The following CAST variants were observed in gnomAD, a reference collection of about 807,000 sequenced individuals.
CAST encodes the protein MIR583 host.
A neutral mutation model predicts 119.6 loss-of-function variants in CAST; 76 were observed. The ratio of observed to expected loss-of-function variants is 0.64; its 90% confidence interval spans 0.53 to 0.77. CAST has a LOEUF of 0.77. CAST is among the 30% of genes least tolerant of loss of function. The probability of loss-of-function intolerance (pLI) is 0.00; values close to 1 mark genes in which losing one functional copy is unlikely to be tolerated. For missense variants in CAST, 953 were observed against 946.5 expected (o/e 1.01, Z -0.09); for synonymous variants, 319 against 331.6 (o/e 0.96, Z 0.41).
the CAST span, among the ~76,000 whole-genome samples, chr5:96,423,721 T>C: frequency 1.3e-5 from 2 of 152,206 alleles, no homozygotes; most frequent in African/African-American, 4.8e-5. Context: ...TTGAACTACA[T>C]GGCTTTGAAG....
chr5:96,346,781 C>T, the CAST span, among the ~76,000 whole-genome samples: 1 of 152,032 alleles, frequency 6.6e-6, no homozygotes, highest in South Asian at 2.1e-4. Flanking sequence ...TCTGTGACCC[C>T]CATCTGTCAT....
At chr5:96,247,650 G>A in the CAST span, 7 of 152,264 alleles carry the variant, frequency 4.6e-5, no homozygotes, top group Non-Finnish European at 1.0e-4. Flanking sequence ...ACAGCAGGAA[G>A]AGACTTGAAT....
At chr5:95,975,184 C>CCAT in the CAST span, among the ~76,000 whole-genome samples, 3 of 152,182 alleles carry the variant, frequency 2.0e-5, no homozygotes, top group Admixed American at 2.0e-4. Context: ...TTTTCTAATG[C>CCAT]TAAGAAGTGC....
At chr5:96,470,365 C>G in the CAST span, among the ~76,000 whole-genome samples, 1 of 151,934 alleles carries the variant, frequency 6.6e-6, no homozygotes, top group Non-Finnish European at 1.5e-5. Context: ...TATGGATCAT[C>G]ATGCACTATA....
At chr5:96,137,147 G>T in the CAST span, among the ~76,000 whole-genome samples, 1 of 152,268 alleles carries the variant, frequency 6.6e-6, no homozygotes, top group African/African-American at 2.4e-5. Flanking sequence ...ACAGAGGATA[G>T]TTTCAATGAT....
At chr5:96,523,398 T>C (rs1465868881), upstream of CAST, among the ~76,000 whole-genome samples, 3 of 152,232 alleles carry the variant, frequency 2.0e-5, no homozygotes, top group Admixed American at 6.5e-5. Context: ...CATATTGTTA[T>C]TTGAAACCAA....
rs571901445 is a variant in CAST at position 96,694,071 on chromosome 5, A to C, written c.139-1765A>C. Among the ~76,000 whole-genome samples the C allele has an allele frequency of 6.6e-5, 10 of 152,320 alleles. No homozygotes were observed. In the East Asian group the frequency reaches 1.5e-3, roughly 24 times the overall value. On this transcript the variant is annotated intron_variant, in intron 2 of 31. Coordinates refer to ENST00000675179, the MANE Select transcript of CAST (RefSeq NM_001750.7). ...GCATGCTAAGGCAAAATTTACCCTGAAGGGAAAGAAGACTTCAGTTCAAAC... is the reference window on the plus strand; with the variant it reads ...GCATGCTAAGGCAAAATTTACCCTGCAGGGAAAGAAGACTTCAGTTCAAAC...
At chr5:96,702,677 C>T in intron 3 of CAST, 1 of 642,954 alleles carries the variant, frequency 1.6e-6, no homozygotes, top group Non-Finnish European at 1.9e-6. Flanking sequence ...AGATGCCAGG[C>T]GCATGACGAG....
intron 1 of CAST, among the ~76,000 whole-genome samples, chr5:96,545,874 T>G (rs1746001895): frequency 6.6e-6 from 1 of 152,208 alleles, no homozygotes; most frequent in African/African-American, 2.4e-5. Context: ...TACAAATACC[T>G]TCACCATCTG....
chr5:96,533,180 A>G (rs1312497376), intron 1 of CAST, among the ~76,000 whole-genome samples: 1 of 152,222 alleles, frequency 6.6e-6, no homozygotes, highest in Non-Finnish European at 1.5e-5. Context: ...CTTCATGTGT[A>G]AAGATGGAAT....
chr5:96,705,336 GAAA>G (rs751814932), intron 3 of CAST, among the ~76,000 whole-genome samples: 293 of 147,604 alleles, frequency 2.0e-3, no homozygotes, highest in Middle Eastern at 3.4e-3. Flanking sequence ...TATATATAAA[GAAA>G]AAAAAGAAAA....
chr5:96,363,738 A>G, the CAST span, among the ~76,000 whole-genome samples: 1,574 of 152,218 alleles, frequency 0.01, 27 homozygotes, highest in African/African-American at 0.036. Context: ...GTTTTGGGCT[A>G]AGACGGTGGG....
the CAST span, among the ~76,000 whole-genome samples, chr5:96,387,461 A>G: frequency 6.6e-6 from 1 of 152,288 alleles, no homozygotes; most frequent in African/African-American, 2.4e-5. Flanking sequence ...GATGGATAGG[A>G]CCTCATAAGT....
At chr5:95,973,741 A>G in the CAST span, among the ~76,000 whole-genome samples, 1 of 152,172 alleles carries the variant, frequency 6.6e-6, no homozygotes, top group African/African-American at 2.4e-5. Flanking sequence ...TTTATAGTAT[A>G]ATTAACTTTA....
At chr5:96,350,967 C>A in the CAST span, among the ~76,000 whole-genome samples, 3 of 152,154 alleles carry the variant, frequency 2.0e-5, no homozygotes, top group Admixed American at 6.6e-5. Context: ...CCATGTCATG[C>A]ATTTTTCTGT....
Position 96,675,527 on chromosome 5 carries a change from A to G in CAST, c.76-12A>G. On this transcript the variant is annotated splice_polypyrimidine_tract_variant and intron_variant, in intron 1 of 31. Coordinates refer to ENST00000675179, the MANE Select transcript of CAST (RefSeq NM_001750.7). ...CTTCCTTTATTAAGCATTATTTTTT[A>G]CTTTTTTATAGCATGTCAGTGAAAA... 6.3e-7 allele frequency: 1 copy of G among 1,593,640 alleles called. No individual in the cohort carries two copies. Among genetic ancestry groups the G allele is most frequent in the East Asian group, 2.2e-5 (1 of 44,734 alleles).
chr5:96,383,193 G>C, the CAST span, among the ~76,000 whole-genome samples: 3 of 152,046 alleles, frequency 2.0e-5, no homozygotes, highest in Admixed American at 6.6e-5. Context: ...GCTTCCCTGA[G>C]GAAAGAATTT....
At chr5:96,171,574 C>A in the CAST span, among the ~76,000 whole-genome samples, 1 of 152,288 alleles carries the variant, frequency 6.6e-6, no homozygotes, top group South Asian at 2.1e-4. Context: ...GGCAGGTGTC[C>A]CTGCATAATT....
chr5:96,346,607 G>A, the CAST span, among the ~76,000 whole-genome samples: 2 of 152,108 alleles, frequency 1.3e-5, no homozygotes, highest in African/African-American at 4.8e-5. Flanking sequence ...ATTGGTAGAA[G>A]GTATATACTA....
Sources: gnomAD v4.1 joint callset for allele counts (sites outside exome capture counted in the v4.1 genomes callset) on GRCh38, gnomAD v4.1.1 for gene constraint, MANE v1.5 for transcripts, NCBI Gene and HGNC (gene_info 2026-07-23, HGNC 2026-07-21) for gene names.